The following RSRP1 variants were observed in gnomAD, a reference collection of about 807,000 sequenced individuals.
The protein encoded by RSRP1 is arginine and serine rich protein 1.
Under a neutral mutation model 33.0 loss-of-function variants are expected in RSRP1, and 37 were observed. That is an observed-to-expected ratio of 1.12 (90% CI 0.86 to 1.48). RSRP1 has a LOEUF of 1.48. Ranked by LOEUF, RSRP1 falls within the 40% of genes most tolerant of loss-of-function variation. The pLI is 0.00. For missense variants in RSRP1, 402 were observed against 385.3 expected, an observed-to-expected ratio of 1.04 and a Z score of -0.36; for synonymous variants, 167 against 158.7, an observed-to-expected ratio of 1.05 and a Z score of -0.40.
intron 1 of RSRP1, chr1:25,290,538 A>C: frequency 9.6e-7 from 1 of 1,044,878 alleles, no homozygotes; most frequent in Admixed American, 1.9e-5. Flanking sequence ...GTAGGTGCCC[A>C]ACAGTGTTTG....
chr1:25,247,709 G>C (rs1460894746), upstream of RSRP1: 1 of 152,344 alleles, frequency 6.6e-6, no homozygotes, highest in African/African-American at 2.4e-5. Flanking sequence ...ATAATTGCGG[G>C]ACCGACCCAG....
upstream of RSRP1, chr1:25,247,627 G>C: frequency 6.6e-6 from 1 of 152,308 alleles, no homozygotes; most frequent in African/African-American, 2.4e-5. Context: ...GCGCATGCGC[G>C]ATGGGGCTCC....
rs1282144807 is a variant in RSRP1 at position 25,318,356 on chromosome 1, G to A, written c.-67+19622C>T. The A allele has an allele frequency of 3.8e-5, 5 of 131,846 alleles. 1 individual carries two copies. Among genetic ancestry groups the A allele is most frequent in the Admixed American group, 3.0e-4 (4 of 13,534 alleles). The allele number at this position is 131,846 out of a possible 1,614,324, so 8.2% of individuals were successfully genotyped here. The stretch of plus-strand genomic sequence containing the variant: ...TAATCCCAGCACTTTGGGAGGCTGA[G>A]ACAGGTAGATCACTTGAGGTCAGGA... On this transcript the variant is annotated intron_variant, in intron 1 of 1. Coordinates refer to the RSRP1 transcript ENST00000561867.
intron 1 of RSRP1, among the ~76,000 whole-genome samples, chr1:25,305,374 ATATTTATTTATTTATTTATT>A (rs34347122): frequency 1.9e-5 from 2 of 106,798 alleles, no homozygotes; most frequent in Non-Finnish European, 2.2e-5. Context: ...AGGAGTCTGG[ATATTTATTTATTTATTTATT>A]TATTTATTTA....
chr1:25,315,937 C>T (rs1312892872), intron 1 of RSRP1, among the ~76,000 whole-genome samples: 1 of 131,922 alleles, frequency 7.6e-6, no homozygotes, highest in East Asian at 1.9e-4. Flanking sequence ...AAATGACATA[C>T]AAGGTGGGGT....
intron 1 of RSRP1, chr1:25,303,274 G>A (rs749980765): frequency 8.6e-7 from 1 of 1,162,446 alleles, no homozygotes; most frequent in South Asian, 1.3e-5. Flanking sequence ...GCAAGATGGT[G>A]TTCTCTCTCT....
In RSRP1 at chr1:25,315,065, G is replaced by A. The variant is rs555327815; in HGVS notation, c.-67+22913C>T. ...TAAAAATACAAAAAATTAGCTGGGC[G>A]TTGTGGCTCTTGCCTGTAGTCTCAG... On this transcript the variant is annotated intron_variant, in intron 1 of 1. Coordinates refer to the RSRP1 transcript ENST00000561867. Among the ~76,000 whole-genome samples the A allele has an allele frequency of 3.1e-5, 4 of 128,586 alleles. 1 individual carries two copies. Among genetic ancestry groups the A allele is most frequent in the Admixed American group, 2.3e-4 (3 of 13,120 alleles). The allele number at this position is 128,586 out of a possible 152,430, so 84.4% of individuals were successfully genotyped here. A position where few individuals can be genotyped will look rare whatever the true frequency, so the allele number is the denominator to read the frequency against.
chr1:25,270,057 AGCAGAGGTCACATCCATTTATCCCACTGC>A, intron 1 of RSRP1, among the ~76,000 whole-genome samples: 1 of 132,208 alleles, frequency 7.6e-6, no homozygotes, highest in South Asian at 2.3e-4. Context: ...GGCCCAGGTT[AGCAGAGGTCACATCCATTTATCCCACTGC>A]GCAGAGGAGT....
intron 1 of RSRP1, among the ~76,000 whole-genome samples, chr1:25,255,344 A>C (rs1010661765): frequency 1.3e-5 from 2 of 152,228 alleles, no homozygotes; most frequent in Non-Finnish European, 2.9e-5. Context: ...CTTTGACTCA[A>C]CAACCAAATG....
intron 1 of RSRP1, among the ~76,000 whole-genome samples, chr1:25,275,014 T>C (rs141737761): frequency 0.029 from 3,695 of 129,126 alleles, 607 homozygotes; most frequent in African/African-American, 0.09. Flanking sequence ...AGGGACTGGG[T>C]GTGGTGACTC....
intron 1 of RSRP1, among the ~76,000 whole-genome samples, chr1:25,314,120 A>G (rs564370153): frequency 7.5e-6 from 1 of 132,986 alleles, no homozygotes; most frequent in Admixed American, 7.3e-5. Context: ...AAATTGTTGA[A>G]TTATACAGTA....
chr1:25,284,544 G>C (rs2301153), intron 1 of RSRP1: 1,002,021 of 1,382,534 alleles, frequency 0.72, 437,323 homozygotes, highest in South Asian at 0.86. Context: ...CTTCCCCCTC[G>C]TCCTTCTCGC....
upstream of RSRP1, among the ~76,000 whole-genome samples, chr1:25,249,238 A>C (rs1266701626): frequency 6.6e-6 from 1 of 152,198 alleles, no homozygotes. Flanking sequence ...CTTACGATAC[A>C]GTTTTGAGCT....
chr1:25,245,035 C>G, intron 3 of RSRP1, 115 bp downstream of exon 3: 1 of 1,587,104 alleles, frequency 6.3e-7, no homozygotes, highest in East Asian at 2.2e-5. Context: ...TTGAATTTAG[C>G]ACATTATATA....
chr1:25,245,165 A>G lies in RSRP1; in HGVS notation c.657T>C (p.Asn219=), dbSNP rs1021962130. The change falls in exon 3 of 5, where the codon AAT becomes AAC. Residue 219 remains asparagine, a synonymous_variant. Transcript: ENST00000243189. ...ETSRGIGVSS[N]GAKPELSEKV... ...GAATACTTACTTCAGGCTTTGCACC[A>G]TTACTTGATACACCTATTCCACGGC... The G allele has an allele frequency of 6.2e-7, 1 of 1,614,214 alleles. No individual in the cohort carries two copies.
rs779612830 is a variant in RSRP1, at chr1:25,284,603, T to C, written c.-66-37574A>G. The C allele has an allele frequency of 8.6e-6, 12 of 1,389,230 alleles. No individual in the cohort carries two copies. In the East Asian group the frequency reaches 2.0e-4, roughly 23 times the overall value. 86.1% of individuals were successfully genotyped at this position (1,389,230 alleles called of 1,614,324 possible). The stretch of plus-strand genomic sequence containing the variant: ...CAAGATCTGACCGTGATGGCGGCCA[T>C]TGGCTTGGGCTTCCTCACCTCGAGT... On this transcript the variant is annotated intron_variant, in intron 1 of 1. Coordinates refer to the RSRP1 transcript ENST00000561867.
chr1:25,255,928 C>T (rs1407908384), intron 1 of RSRP1, among the ~76,000 whole-genome samples: 1 of 152,224 alleles, frequency 6.6e-6, no homozygotes, highest in South Asian at 2.1e-4. Context: ...TTCACTCGCC[C>T]ACCGCCTGCC....
chr1:25,312,104 C>T (rs1198767128), intron 1 of RSRP1, among the ~76,000 whole-genome samples: 2 of 97,130 alleles, frequency 2.1e-5, no homozygotes, highest in African/African-American at 7.1e-5. Context: ...CAGAGCTCCC[C>T]GAAGCTTCGG....
chr1:25,333,056 AC>A (rs1442267543), intron 1 of RSRP1, among the ~76,000 whole-genome samples: 1 of 131,354 alleles, frequency 7.6e-6, no homozygotes, highest in Non-Finnish European at 1.8e-5. Context: ...GCGTCCTGAG[AC>A]CCAACAGCCT....
Sources: allele counts gnomAD v4.1 joint callset (sites outside exome capture counted in the v4.1 genomes callset), GRCh38; gene constraint gnomAD v4.1.1; transcripts MANE v1.5; gene names NCBI Gene and HGNC (gene_info 2026-07-23, HGNC 2026-07-21).